MAF: variants seen among roughly 807,000 people sequenced by gnomAD.
The protein encoded by MAF is MAF bZIP transcription factor.
In MAF, 10 loss-of-function variants were observed where a neutral mutation model predicts 22.0. The observed-to-expected ratio is 0.45, with a 90% CI of 0.28 to 0.77. MAF has a LOEUF of 0.77. Among genes scored for constraint, MAF ranks in the 30% least tolerant of loss-of-function variants. The probability of loss-of-function intolerance (pLI) is 0.12; values close to 1 mark genes in which losing one functional copy is unlikely to be tolerated. For synonymous variants in MAF, 337 were observed against 255.8 expected, an observed-to-expected ratio of 1.32 and a Z score of -3.03; for missense variants, 544 against 548.4, an observed-to-expected ratio of 0.99 and a Z score of 0.08.
the MAF span, among the ~76,000 whole-genome samples, chr16:79,520,007 T>A: frequency 6.6e-6 from 1 of 152,208 alleles, no homozygotes; most frequent in African/African-American, 2.4e-5. Context: ...GAGGGGATGC[T>A]GGAACTGCAT....
the MAF span, among the ~76,000 whole-genome samples, chr16:79,219,445 G>A: frequency 6.6e-5 from 10 of 151,522 alleles, no homozygotes; most frequent in East Asian, 5.8e-4. Flanking sequence ...CAGCTACTCC[G>A]GAGGCTGAGG....
chr16:79,572,371 T>TCCC, the MAF span, among the ~76,000 whole-genome samples: 5 of 151,882 alleles, frequency 3.3e-5, no homozygotes, highest in Non-Finnish European at 5.9e-5. Context: ...CTCCCTTTCT[T>TCCC]CCCCCAACAC....
At chr16:79,465,985 G>A in the MAF span, among the ~76,000 whole-genome samples, 1 of 152,212 alleles carries the variant, frequency 6.6e-6, no homozygotes, top group Non-Finnish European at 1.5e-5. Flanking sequence ...GTATTCATCT[G>A]TAATTCCTTC....
the MAF span, among the ~76,000 whole-genome samples, chr16:79,211,034 A>AGTGTGTGTGTGT: frequency 0.19 from 28,318 of 149,476 alleles, 2,827 homozygotes; most frequent in Non-Finnish European, 0.23. Context: ...TATGGTGAGG[A>AGTGTGTGTGTGT]GTGTGTGTGT....
chr16:79,473,581 A>C, the MAF span, among the ~76,000 whole-genome samples: 1 of 152,194 alleles, frequency 6.6e-6, no homozygotes, highest in Admixed American at 6.5e-5. Context: ...TACCCACTGC[A>C]CGATTCAGGG....
chr16:79,215,479 G>A, the MAF span, among the ~76,000 whole-genome samples: 7 of 152,294 alleles, frequency 4.6e-5, no homozygotes, highest in East Asian at 9.7e-4. Context: ...AGATATTGGC[G>A]TATCATCAGC....
At chr16:79,481,460 G>C in the MAF span, among the ~76,000 whole-genome samples, 1 of 151,870 alleles carries the variant, frequency 6.6e-6, no homozygotes, top group Non-Finnish European at 1.5e-5. Flanking sequence ...TCTACTTCCC[G>C]TCTCTATAGA....
the MAF span, among the ~76,000 whole-genome samples, chr16:79,291,016 C>G: frequency 1.1e-4 from 17 of 152,136 alleles, no homozygotes; most frequent in East Asian, 2.9e-3. Context: ...ACTAAATGCC[C>G]CATTACGAAT....
the MAF span, among the ~76,000 whole-genome samples, chr16:79,411,216 T>C: frequency 6.7e-6 from 1 of 150,284 alleles, no homozygotes; most frequent in Non-Finnish European, 1.5e-5. Flanking sequence ...CCTTGGTGGC[T>C]GGGACCTCGC....
the MAF span, among the ~76,000 whole-genome samples, chr16:79,223,937 A>T: frequency 6.6e-6 from 1 of 152,196 alleles, no homozygotes; most frequent in East Asian, 1.9e-4. Flanking sequence ...GAGTACAAAG[A>T]GGAGCTGGTA....
the MAF span, among the ~76,000 whole-genome samples, chr16:79,491,505 C>A: frequency 6.6e-6 from 1 of 152,144 alleles, no homozygotes; most frequent in African/African-American, 2.4e-5. Context: ...CACACCACTG[C>A]CCCATTTCCC....
At chr16:79,324,647 A>G in the MAF span, among the ~76,000 whole-genome samples, 4,947 of 152,266 alleles carry the variant, frequency 0.032, 288 homozygotes, top group African/African-American at 0.11. Context: ...GTCCAGATGC[A>G]AAGTTCTGTG....
At chr16:79,323,267 A>G in the MAF span, among the ~76,000 whole-genome samples, 1 of 148,180 alleles carries the variant, frequency 6.7e-6, no homozygotes, top group Admixed American at 6.8e-5. Context: ...AGGGGGGATG[A>G]CATGGAGAGG....
the MAF span, among the ~76,000 whole-genome samples, chr16:79,436,516 C>T: frequency 6.6e-6 from 1 of 152,238 alleles, no homozygotes; most frequent in Admixed American, 6.5e-5. Context: ...GCCAATTACA[C>T]AAGAAAAGTG....
the MAF span, among the ~76,000 whole-genome samples, chr16:79,392,228 G>C: frequency 2.0e-5 from 3 of 148,898 alleles, no homozygotes; most frequent in African/African-American, 7.4e-5. Context: ...AAAAGAGAAA[G>C]AAGGAGGGGG....
At chr16:79,546,787 A>T in the MAF span, among the ~76,000 whole-genome samples, 2 of 152,190 alleles carry the variant, frequency 1.3e-5, no homozygotes, top group African/African-American at 4.8e-5. Flanking sequence ...CAAAGAGAAA[A>T]GGCACATAAA....
At chr16:79,264,159 G>A in the MAF span, among the ~76,000 whole-genome samples, 2 of 152,282 alleles carry the variant, frequency 1.3e-5, no homozygotes, top group South Asian at 4.1e-4. Context: ...AGATCATATT[G>A]TAGGATCACA....
intron 1 of MAF, chr16:79,596,110 A>AT: frequency 1.9e-6 from 2 of 1,062,396 alleles, no homozygotes; most frequent in Non-Finnish European, 2.3e-6. Flanking sequence ...CTGATGCGCC[A>AT]TATTTGTCCG....
the MAF span, among the ~76,000 whole-genome samples, chr16:79,561,349 G>A: frequency 1.3e-5 from 2 of 149,960 alleles, no homozygotes; most frequent in Admixed American, 1.3e-4. Flanking sequence ...AAGTTTTAGG[G>A]TACATGTGCA....
Sources: gnomAD v4.1 joint callset for allele counts (sites outside exome capture counted in the v4.1 genomes callset) on GRCh38, gnomAD v4.1.1 for gene constraint, MANE v1.5 for transcripts, NCBI Gene and HGNC (gene_info 2026-07-23, HGNC 2026-07-21) for gene names.